Variants in PNPLA7 observed in about 807,000 individuals in gnomAD.
PNPLA7 encodes the protein patatin like domain 7, lysophospholipase.
In PNPLA7, 153 loss-of-function variants were observed where a neutral mutation model predicts 161.7. That is an observed-to-expected ratio of 0.95 (90% CI 0.83 to 1.08). PNPLA7 has a LOEUF of 1.08. Among genes scored for constraint, PNPLA7 ranks in the 50% least tolerant of loss-of-function variants. The pLI is 0.00. For synonymous variants in PNPLA7, 809 were observed against 782.1 expected (o/e 1.03, Z -0.57); for missense variants, 1,739 against 1,856.6 (o/e 0.94, Z 1.16).
At chr9:137,538,302 C>T (rs1836001641) in intron 8 of PNPLA7, among the ~76,000 whole-genome samples, 3 of 151,956 alleles carry the variant, frequency 2.0e-5, no homozygotes, top group South Asian at 4.1e-4. Context: ...GTCCCACCCA[C>T]GCCTCCACCC....
In PNPLA7 at chr9:137,486,626, A is replaced by G. The variant is rs951412562; in HGVS notation, c.2198-1890T>C. Among the ~76,000 whole-genome samples the G allele has an allele frequency of 1.3e-5, 2 of 151,848 alleles. No individual in the cohort carries two copies. The highest frequency in any genetic ancestry group is 6.6e-5 in the Admixed American group (1 of 15,246). ...GGACTCGGCCCCCACCTCCGGCCCC[A>G]GGCTCCTACCCGACCCACCAAAGCT... On this transcript the variant is annotated intron_variant, in intron 20 of 34. Transcript: ENST00000406427. The surrounding 1 kb of genome is among the most constrained non-coding windows in gnomAD (Gnocchi z 6.0).
chr9:137,547,279 C>T lies in PNPLA7; in HGVS notation c.193+30G>A, dbSNP rs780160769. The T allele has an allele frequency of 1.2e-6, 2 of 1,607,422 alleles. No homozygotes were observed. Among genetic ancestry groups the T allele is most frequent in the South Asian group, 2.2e-5 (2 of 90,958 alleles). On this transcript the variant is annotated intron_variant, in intron 3 of 34. Transcript: ENST00000406427. The surrounding 1 kb of genome is among the most constrained non-coding windows in gnomAD (Gnocchi z 4.6). ...GACACCCACGCTTTCCCCCAACCCC[C>T]CGGGCCAGAGTCGGAACCAAGATAC... is the stretch of plus-strand genomic sequence containing the variant.
intron 14 of PNPLA7, among the ~76,000 whole-genome samples, chr9:137,503,422 AAAG>A (rs1375106366): frequency 7.1e-6 from 1 of 139,962 alleles, no homozygotes; most frequent in Non-Finnish European, 1.5e-5. Context: ...GAGAAGAAAG[AAAG>A]AAGGAGAATG....
Position 137,547,169 on chromosome 9 carries a change from G to T in PNPLA7, c.193+140C>A, listed in dbSNP as rs1203861866. ...TGGCTTCCTGGAACCGACGGGCTCA[G>T]CCTGAGCCCAGACGGGCCATCAGAT... On this transcript the variant is annotated intron_variant, in intron 3 of 34. Coordinates refer to ENST00000406427, the MANE Select transcript of PNPLA7 (RefSeq NM_001098537.3). This position sits in a 1 kb window ranked among gnomAD's most constrained non-coding sequence, Gnocchi z 4.6. The T allele has an allele frequency of 3.3e-6, 3 of 907,338 alleles. No individual in the cohort carries two copies. Among genetic ancestry groups the T allele is most frequent in the African/African-American group, 1.6e-5 (1 of 60,632 alleles). 56.2% of individuals were successfully genotyped at this position (907,338 alleles called of 1,614,324 possible).
chr9:137,530,112 G>A (rs560780982), intron 8 of PNPLA7, among the ~76,000 whole-genome samples: 16 of 152,062 alleles, frequency 1.1e-4, no homozygotes, highest in African/African-American at 3.1e-4. Context: ...CTAGAGGTGC[G>A]CGCCACCACA....
At chr9:137,461,693 G>GAGGCCCCACCC in intron 32 of PNPLA7, 73 bp from the exon 33 acceptor site, 1 of 1,463,296 alleles carries the variant, frequency 6.8e-7, no homozygotes, top group Non-Finnish European at 9.3e-7. Flanking sequence ...TTCCTGTGGG[G>GAGGCCCCACCC]AGGCCCCACC....
rs922184471 is a variant in PNPLA7, at chr9:137,486,869, G to A, written c.2198-2133C>T. On this transcript the variant is annotated intron_variant, in intron 20 of 34. Transcript: ENST00000406427. The surrounding 1 kb of genome is among the most constrained non-coding windows in gnomAD (Gnocchi z 6.0). ...GAGTCTGCAGCCTCAGCCCATCTGC[G>A]GTCCCTGAGAGCTGCTGGTGACCCC... Among the ~76,000 whole-genome samples the A allele has an allele frequency of 4.6e-5, 7 of 152,104 alleles. No homozygotes were observed. Among genetic ancestry groups the A allele is most frequent in the Non-Finnish European group, 5.9e-5 (4 of 67,982 alleles).
intron 25 of PNPLA7, among the ~76,000 whole-genome samples, chr9:137,469,206 GAA>G (rs1462563503): frequency 2.0e-5 from 3 of 152,200 alleles, no homozygotes; most frequent in Admixed American, 6.5e-5. Context: ...GCTGAAGAGA[GAA>G]ATGGTAAAAT....
At position 137,460,168 on chromosome 9, in the gene PNPLA7, A is replaced by G; in HGVS notation, c.*225T>C. On this transcript the variant is annotated 3_prime_UTR_variant, in exon 35 of 35. Coordinates refer to ENST00000406427, the MANE Select transcript of PNPLA7 (RefSeq NM_001098537.3). ...GTTCACAGAGCTTCAGGGGCCTCAC[A>G]GAGCTTCAGGGGCCTCACAGGACTG... is the stretch of plus-strand genomic sequence containing the variant. 8.4e-6 allele frequency: 4 copies of G among 477,478 alleles called. No individual in the cohort carries two copies. The South Asian group carries it at 9.8e-5, about 12-fold the overall frequency. 29.6% of individuals were successfully genotyped at this position (477,478 alleles called of 1,614,324 possible). A position where few individuals can be genotyped will look rare whatever the true frequency, so the allele number is the denominator to read the frequency against.
intron 27 of PNPLA7, 30 bp from the exon 28 acceptor site, chr9:137,464,225 T>C: frequency 6.2e-7 from 1 of 1,611,606 alleles, no homozygotes; most frequent in South Asian, 1.1e-5. Flanking sequence ...AGATGGGCCC[T>C]CTCCCATCAC....
At chr9:137,521,972 C>G (rs1278629601) in intron 9 of PNPLA7, among the ~76,000 whole-genome samples, 1 of 152,288 alleles carries the variant, frequency 6.6e-6, no homozygotes, top group Non-Finnish European at 1.5e-5. Context: ...TAAAGTTACT[C>G]CAAAGTGAGA....
chr9:137,480,280 TC>T, intron 23 of PNPLA7, 31 bp downstream of exon 23: 1 of 1,598,738 alleles, frequency 6.3e-7, no homozygotes, highest in Middle Eastern at 2.1e-4. Context: ...GAGAGGGCTC[TC>T]CCCAGCTCCA....
At chr9:137,515,358 G>T in intron 12 of PNPLA7, 21 bp downstream of exon 12, 1 of 1,593,320 alleles carries the variant, frequency 6.3e-7, no homozygotes, top group Non-Finnish European at 8.5e-7. Context: ...CACTGGCTGG[G>T]CAGCCGTCGA....
In PNPLA7 at chr9:137,544,798, C is replaced by T. The variant is rs979257120; in HGVS notation, c.274-983G>A. The stretch of plus-strand genomic sequence containing the variant: ...CCGAGTAGTTGGGATTACAGGCGCC[C>T]GCCACAAAGCCCAGCTAATTTTTGT... On this transcript the variant is annotated intron_variant, in intron 4 of 34. Transcript: ENST00000406427. Among the ~76,000 whole-genome samples the T allele has an allele frequency of 3.0e-4, 45 of 152,128 alleles. 1 individual carries two copies. The highest frequency in any genetic ancestry group is 7.7e-4 in the African/African-American group (32 of 41,496).
At position 137,463,196 on chromosome 9, in the gene PNPLA7, A is replaced by G; in HGVS notation, c.3343+219T>C. 4 of 595,690 alleles carry G rather than the reference A, an allele frequency of 6.7e-6. No homozygotes were observed. The Admixed American group carries it at 1.2e-4, about 18-fold the overall frequency. 36.9% of individuals were successfully genotyped at this position (595,690 alleles called of 1,614,324 possible). A position where few individuals can be genotyped will look rare whatever the true frequency, so the allele number is the denominator to read the frequency against. Reference sequence around the variant, plus strand: ...CTGCTGAGCTGACAAACAGGGCCATATGCTGGAGCACATGCTGCCGGTGCC... The same window carrying G: ...CTGCTGAGCTGACAAACAGGGCCATGTGCTGGAGCACATGCTGCCGGTGCC... On this transcript the variant is annotated intron_variant, in intron 29 of 34. Coordinates refer to ENST00000406427, the MANE Select transcript of PNPLA7 (RefSeq NM_001098537.3).
intron 29 of PNPLA7, 99 bp downstream of exon 29, chr9:137,463,316 C>T: frequency 9.0e-7 from 1 of 1,109,732 alleles, no homozygotes. Flanking sequence ...GTGTTCCAGC[C>T]CAGGCTTCTT....
intron 12 of PNPLA7, among the ~76,000 whole-genome samples, chr9:137,510,415 T>A (rs1834160738): frequency 6.6e-6 from 1 of 152,150 alleles, no homozygotes; most frequent in African/African-American, 2.4e-5. Flanking sequence ...ATACTAATAG[T>A]CCCTGATATG....
intron 26 of PNPLA7, 73 bp from the exon 27 acceptor site, chr9:137,464,529 C>A: frequency 7.4e-7 from 1 of 1,345,312 alleles, no homozygotes; most frequent in Non-Finnish European, 1.1e-6. Context: ...ACGTGGCGTG[C>A]TGAGGGCCTC....
chr9:137,521,252 C>A (rs562838654), intron 10 of PNPLA7, among the ~76,000 whole-genome samples: 2 of 152,290 alleles, frequency 1.3e-5, no homozygotes, highest in African/African-American at 4.8e-5. Flanking sequence ...ACACAGGTGA[C>A]CAAAGGAAGA....
Sources: allele counts gnomAD v4.1 joint callset (sites outside exome capture counted in the v4.1 genomes callset), GRCh38; gene constraint gnomAD v4.1.1; non-coding constraint Gnocchi (gnomAD v3.1); transcripts MANE v1.5; gene names NCBI Gene and HGNC (gene_info 2026-07-23, HGNC 2026-07-21).